Variants in IQCM observed in about 807,000 individuals in gnomAD.
The protein encoded by IQCM is IQ motif containing M.
A neutral mutation model predicts 57.6 loss-of-function variants in IQCM; 45 were observed. The ratio of observed to expected loss-of-function variants is 0.78; its 90% CI spans 0.62 to 1.00. IQCM has a LOEUF of 1.00. Ranked by LOEUF, IQCM falls within the 50% of genes least tolerant of loss-of-function variation. The pLI, the probability that IQCM is intolerant of heterozygous loss-of-function variation, is 0.00. For missense variants in IQCM, 468 were observed against 511.6 expected (o/e 0.91, Z 0.82); for synonymous variants, 148 against 158.9 (o/e 0.93, Z 0.51).
At position 149,430,296 on chromosome 4, in the gene IQCM, A is replaced by C. The variant is rs537563998; in HGVS notation, c.1390+3100T>G. On this transcript the variant is annotated intron_variant, in intron 13 of 13. Transcript: ENST00000636793. The stretch of plus-strand genomic sequence containing the variant: ...CATCTTTTAAAAATACTACCAAAAT[A>C]AAAGCTTCCCTACCTTGGTTCTTTA... 6.6e-5 allele frequency among the ~76,000 whole-genome samples: 10 copies of C among 152,082 alleles called. No individual in the cohort carries two copies. The South Asian group carries it at 2.1e-3, about 32-fold the overall frequency.
In IQCM at chr4:149,388,147, T is replaced by A. The variant is rs142999928; in HGVS notation, c.1391-36081A>T. Among the ~76,000 whole-genome samples the A allele has an allele frequency of 7.2e-5, 11 of 152,072 alleles. No homozygotes were observed. In the East Asian group the frequency reaches 1.6e-3, roughly 22 times the overall value. ...TTATGGATAATATTGCTATGAATAGTTGTTGATGAGTTTTATACTGACTTA... is the reference window on the plus strand; with the variant it reads ...TTATGGATAATATTGCTATGAATAGATGTTGATGAGTTTTATACTGACTTA... On this transcript the variant is annotated intron_variant, in intron 13 of 13. Coordinates refer to ENST00000636793, the MANE Select transcript of IQCM (RefSeq NM_001363507.2).
At chr4:149,757,950 T>C (rs527713126) in intron 2 of IQCM, among the ~76,000 whole-genome samples, 3 of 152,216 alleles carry the variant, frequency 2.0e-5, no homozygotes, top group African/African-American at 7.2e-5. Context: ...GATTAAACCA[T>C]AGATCAATAG....
At chr4:149,685,767 C>G (rs917466795) in intron 6 of IQCM, among the ~76,000 whole-genome samples, 2 of 151,502 alleles carry the variant, frequency 1.3e-5, no homozygotes, top group African/African-American at 4.8e-5. Context: ...CAAATATGTG[C>G]TGAAGGGCTT....
Position 149,548,450 on chromosome 4 carries a change from C to T in IQCM, c.1228+5G>A, listed in dbSNP as rs1448468639. 9.7e-6 allele frequency: 12 copies of T among 1,231,748 alleles called. No individual in the cohort carries two copies. The highest frequency in any genetic ancestry group is 3.0e-6 in the Non-Finnish European group (3 of 987,826). The allele number at this position is 1,231,748 out of a possible 1,614,324, so 76.3% of individuals were successfully genotyped here. On this transcript the variant is annotated splice_donor_5th_base_variant and intron_variant, in intron 12 of 13. Coordinates refer to ENST00000636793, the MANE Select transcript of IQCM (RefSeq NM_001363507.2). ...GGGGGGAAAAAGAAATGAGAAACTA[C>T]TCACCTTGATGGACCAGGTCCCAAG...
At chr4:149,424,273 C>T (rs1426897959) in intron 13 of IQCM, among the ~76,000 whole-genome samples, 1 of 151,628 alleles carries the variant, frequency 6.6e-6, no homozygotes, top group Admixed American at 6.6e-5. Context: ...CATTGAAAGG[C>T]TATATTTTAC....
intron 2 of IQCM, among the ~76,000 whole-genome samples, chr4:149,768,666 A>C (rs1770278811): frequency 6.6e-6 from 1 of 152,008 alleles, no homozygotes; most frequent in South Asian, 2.1e-4. Context: ...TTATCCCACT[A>C]TTTCCCCCAC....
In IQCM at chr4:149,355,521, G is replaced by C. The variant is rs550345595; in HGVS notation, c.1391-3455C>G. On this transcript the variant is annotated intron_variant, in intron 13 of 13. Coordinates refer to ENST00000636793, the MANE Select transcript of IQCM (RefSeq NM_001363507.2). Reference sequence around the variant, plus strand: ...TGGTTTTTTGTCCTTGCGATAGTTTGCTGAGAATGATGGTTTCCAGCTTCA... The same window carrying C: ...TGGTTTTTTGTCCTTGCGATAGTTTCCTGAGAATGATGGTTTCCAGCTTCA... Among the ~76,000 whole-genome samples the C allele has an allele frequency of 1.1e-3, 166 of 151,300 alleles. 1 individual carries two copies. The highest frequency in any genetic ancestry group is 1.9e-3 in the Non-Finnish European group (126 of 67,878).
chr4:149,551,198 A>G (rs1424970318), intron 11 of IQCM, among the ~76,000 whole-genome samples: 1 of 152,138 alleles, frequency 6.6e-6, no homozygotes, highest in East Asian at 1.9e-4. Flanking sequence ...CTCCAAGACT[A>G]GCCGCCTCCA....
chr4:149,615,575 A>G (rs984084862), intron 8 of IQCM, among the ~76,000 whole-genome samples: 1 of 152,194 alleles, frequency 6.6e-6, no homozygotes, highest in African/African-American at 2.4e-5. Context: ...GACATATAGC[A>G]CTATTGATTT....
intron 5 of IQCM, among the ~76,000 whole-genome samples, chr4:149,724,987 T>C (rs1252787895): frequency 6.6e-6 from 1 of 152,104 alleles, no homozygotes; most frequent in Non-Finnish European, 1.5e-5. Context: ...TACAAACTGG[T>C]TAAGCAGTAC....
intron 13 of IQCM, among the ~76,000 whole-genome samples, chr4:149,377,186 T>C (rs911972759): frequency 6.6e-6 from 1 of 152,180 alleles, no homozygotes; most frequent in Non-Finnish European, 1.5e-5. Flanking sequence ...CATTGGCCGA[T>C]TTGATAGGAT....
chr4:149,719,965 A>G lies in IQCM; in HGVS notation c.385+13279T>C, dbSNP rs140455087. ...TTCACTGAGGAGGGTCTGCACTACA[A>G]ATAGAAAACCATTTCTAGAAAGCTA... On this transcript the variant is annotated intron_variant, in intron 5 of 13. Transcript: ENST00000636793. Among the ~76,000 whole-genome samples, 3 of 152,318 alleles carry G rather than the reference A, an allele frequency of 2.0e-5. No homozygotes were observed. The East Asian group carries it at 5.8e-4, about 29-fold the overall frequency.
chr4:149,580,326 G>C (rs894590267), intron 9 of IQCM, among the ~76,000 whole-genome samples: 8 of 151,706 alleles, frequency 5.3e-5, no homozygotes, highest in African/African-American at 1.7e-4. Context: ...AAAAAGAAAA[G>C]AATAAAAAAT....
intron 12 of IQCM, among the ~76,000 whole-genome samples, chr4:149,434,314 G>T (rs1579044584): frequency 6.6e-6 from 1 of 152,060 alleles, no homozygotes. Context: ...AGCTGAGAAA[G>T]CTGGAATTAA....
intron 13 of IQCM, chr4:149,430,077 A>G (rs1734720327): frequency 9.2e-7 from 1 of 1,092,802 alleles, no homozygotes; most frequent in African/African-American, 1.6e-5. Context: ...ATCTTATTAA[A>G]CCCAAAACTT....
In IQCM at chr4:149,719,935, A is replaced by C. The variant is rs115221639; in HGVS notation, c.385+13309T>G. Among the ~76,000 whole-genome samples, 346 of 152,302 alleles carry C rather than the reference A, an allele frequency of 2.3e-3. 2 individuals carry two copies. Among genetic ancestry groups the C allele is most frequent in the African/African-American group, 8.0e-3 (334 of 41,570 alleles). ...AGAATACCGAGAAGCCAAAACCAAC[A>C]CATGTTCACTGAGGAGGGTCTGCAC... On this transcript the variant is annotated intron_variant, in intron 5 of 13. Transcript: ENST00000636793.
rs188928136 is a variant in IQCM at position 149,435,941 on chromosome 4, A to T, written c.1229-2384T>A. Among the ~76,000 whole-genome samples, 487 of 152,288 alleles carry T rather than the reference A, an allele frequency of 3.2e-3. 3 individuals carry two copies. Among genetic ancestry groups the T allele is most frequent in the Non-Finnish European group, 3.9e-3 (266 of 68,018 alleles). Reference sequence around the variant, plus strand: ...ATGTCAAAAAGTTACAAAGAAATTTAAAAGTTTATAAGGTAAAATATAATA... The same window carrying T: ...ATGTCAAAAAGTTACAAAGAAATTTTAAAGTTTATAAGGTAAAATATAATA... On this transcript the variant is annotated intron_variant, in intron 12 of 13. Transcript: ENST00000636793.
chr4:149,630,270 T>A (rs536228829), intron 7 of IQCM, among the ~76,000 whole-genome samples: 26 of 152,346 alleles, frequency 1.7e-4, no homozygotes, highest in African/African-American at 6.0e-4. Flanking sequence ...TTGCGGGCAA[T>A]GGACTGCAAA....
intron 12 of IQCM, among the ~76,000 whole-genome samples, chr4:149,508,697 T>C (rs1355265629): frequency 6.6e-6 from 1 of 152,180 alleles, no homozygotes; most frequent in Admixed American, 6.5e-5. Flanking sequence ...CTATGGACTT[T>C]TGAGTTAATG....
Sources: allele counts gnomAD v4.1 joint callset (sites outside exome capture counted in the v4.1 genomes callset), GRCh38; gene constraint gnomAD v4.1.1; transcripts MANE v1.5; gene names NCBI Gene and HGNC (gene_info 2026-07-23, HGNC 2026-07-21).